LUC7L3: variants seen among roughly 807,000 people sequenced by gnomAD.
The protein encoded by LUC7L3 is luc7-like protein 3.
LUC7L3 carries 6 observed loss-of-function variants against 66.8 expected under a neutral mutation model. The ratio of observed to expected loss-of-function variants is 0.09; its 90% confidence interval spans 0.05 to 0.18. LUC7L3 has a LOEUF of 0.18. Ranked by LOEUF, LUC7L3 falls within the 10% of genes least tolerant of loss-of-function variation. LUC7L3 has a pLI of 1.00. For synonymous variants in LUC7L3, 160 were observed against 174.7 expected, an observed-to-expected ratio of 0.92 and a Z score of 0.66; for missense variants, 341 against 531.1, an observed-to-expected ratio of 0.64 and a Z score of 3.52.
intron 1 of LUC7L3, among the ~76,000 whole-genome samples, chr17:50,731,038 A>G (rs1969574569): frequency 6.6e-6 from 1 of 152,242 alleles, no homozygotes; most frequent in Admixed American, 6.5e-5. Context: ...GTAGGTATTT[A>G]GAGAGTTTGC....
At chr17:50,742,389 T>G (rs998066551) in intron 5 of LUC7L3, among the ~76,000 whole-genome samples, 1 of 152,176 alleles carries the variant, frequency 6.6e-6, no homozygotes, top group African/African-American at 2.4e-5. Context: ...TTGACAGTCT[T>G]GCTTTGTCAC....
intron 1 of LUC7L3, chr17:50,722,002 A>C (rs1392856854): frequency 6.6e-6 from 1 of 151,938 alleles, no homozygotes; most frequent in East Asian, 1.9e-4. Flanking sequence ...AGTATTTAAC[A>C]GTCAAAATGC....
intron 1 of LUC7L3, among the ~76,000 whole-genome samples, chr17:50,728,011 G>C (rs1969312685): frequency 6.6e-6 from 1 of 151,564 alleles, no homozygotes; most frequent in African/African-American, 2.4e-5. Context: ...CCAGCTACTC[G>C]AGAGGCTGAG....
chr17:50,733,770 A>G (rs1969799079), intron 1 of LUC7L3, among the ~76,000 whole-genome samples: 1 of 152,222 alleles, frequency 6.6e-6, no homozygotes, highest in Non-Finnish European at 1.5e-5. Context: ...ATAACCATAC[A>G]GTTTATGGCT....
Position 50,746,532 on chromosome 17 carries a change from A to C in LUC7L3, c.978-10A>C. The C allele has an allele frequency of 1.2e-6, 2 of 1,606,362 alleles. No homozygotes were observed. The highest frequency in any genetic ancestry group is 1.7e-6 in the Non-Finnish European group (2 of 1,177,820). On this transcript the variant is annotated splice_polypyrimidine_tract_variant and intron_variant, in intron 8 of 9. Coordinates refer to ENST00000505658, the MANE Select transcript of LUC7L3 (RefSeq NM_016424.5). ...TGGCTGAAGTTGCCTTTTGGTTTTA[A>C]ATTATTAAGAAGTAGAGATCGACGA...
At chr17:50,742,452 A>G (rs565902344) in intron 5 of LUC7L3, among the ~76,000 whole-genome samples, 46 of 152,068 alleles carry the variant, frequency 3.0e-4, no homozygotes, top group Non-Finnish European at 2.4e-4. Context: ...TCTGCCTCCC[A>G]GGTTCAAATG....
intron 1 of LUC7L3, among the ~76,000 whole-genome samples, chr17:50,726,779 G>A (rs918808650): frequency 9.2e-5 from 14 of 152,000 alleles, no homozygotes; most frequent in African/African-American, 3.4e-4. Context: ...CACATCTCTA[G>A]CTTACTTTAT....
chr17:50,750,780 T>C lies in LUC7L3; in HGVS notation c.*119T>C. 3.8e-6 allele frequency: 6 copies of C among 1,581,214 alleles called. No individual in the cohort carries two copies. Among genetic ancestry groups the C allele is most frequent in the Non-Finnish European group, 5.1e-6 (6 of 1,165,176 alleles). ...AAGTATGCACAGATGAAGATGGAAC[T>C]AAGCCGAGTAAGAAGACATACAAAA... On this transcript the variant is annotated 3_prime_UTR_variant, in exon 10 of 10. Transcript: ENST00000505658.
intron 4 of LUC7L3, 152 bp downstream of exon 4, chr17:50,741,398 T>A: frequency 1.2e-6 from 1 of 813,122 alleles, no homozygotes; most frequent in Non-Finnish European, 1.9e-6. Context: ...TTCCAGTCTT[T>A]ATTAGCAAAC....
In LUC7L3 at chr17:50,751,065, T is replaced by A; in HGVS notation, c.*404T>A. On this transcript the variant is annotated 3_prime_UTR_variant, in exon 10 of 10. Transcript: ENST00000505658. ...TGGTATTAAGTCCATCTTGTGTTGG[T>A]ACATTGGCAGAGACATATGCTTTAA... 6.9e-7 allele frequency: 1 copy of A among 1,441,658 alleles called. No individual in the cohort carries two copies. The highest frequency in any genetic ancestry group is 9.0e-7 in the Non-Finnish European group (1 of 1,105,978). 89.3% of individuals were successfully genotyped at this position (1,441,658 alleles called of 1,614,324 possible). A position where few individuals can be genotyped will look rare whatever the true frequency, so the allele number is the denominator to read the frequency against.
Position 50,743,821 on chromosome 17 carries a change from C to T in LUC7L3, c.531+11C>T, listed in dbSNP as rs978249538. 1 of 1,566,808 alleles carries T rather than the reference C, an allele frequency of 6.4e-7. No individual in the cohort carries two copies. The highest frequency in any genetic ancestry group is 1.1e-5 in the South Asian group (1 of 88,772). The stretch of plus-strand genomic sequence containing the variant: ...AGGTCCACAACGTCGGTGAGTAAAC[C>T]TTATTTCACATTATCTCATCTGTCT... On this transcript the variant is annotated intron_variant, in intron 6 of 9. Coordinates refer to ENST00000505658, the MANE Select transcript of LUC7L3 (RefSeq NM_016424.5).
Position 50,754,086 on chromosome 17 carries a change from A to G in LUC7L3, c.*3425A>G, listed in dbSNP as rs1420435759. ...AAGAATCCAGTATTGAGACCAGTTC[A>G]CTAGAAGAAACAAACATTTCTGCCA... On this transcript the variant is annotated 3_prime_UTR_variant, in exon 10 of 10. Transcript: ENST00000505658. 1 of 152,228 alleles carries G rather than the reference A, an allele frequency of 6.6e-6. No individual in the cohort carries two copies. Among genetic ancestry groups the G allele is most frequent in the African/African-American group, 2.4e-5 (1 of 41,462 alleles). The allele number at this position is 152,228 out of a possible 1,614,324, so 9.4% of individuals were successfully genotyped here. A position where few individuals can be genotyped will look rare whatever the true frequency, so the allele number is the denominator to read the frequency against.
intron 1 of LUC7L3, among the ~76,000 whole-genome samples, chr17:50,726,612 A>G (rs1005808010): frequency 5.3e-5 from 8 of 152,212 alleles, no homozygotes; most frequent in African/African-American, 2.4e-5. Context: ...ATAGACTGAG[A>G]TCTGCACCTG....
rs1231748282 is a variant in LUC7L3, at chr17:50,754,498, CTT to C, written c.*3840_*3841del. The C allele has an allele frequency of 2.0e-5, 3 of 152,126 alleles. No homozygotes were observed. Among genetic ancestry groups the C allele is most frequent in the African/African-American group, 4.8e-5 (2 of 41,420 alleles). The allele number at this position is 152,126 out of a possible 1,614,324, so 9.4% of individuals were successfully genotyped here. A position where few individuals can be genotyped will look rare whatever the true frequency, so the allele number is the denominator to read the frequency against. On this transcript the variant is annotated 3_prime_UTR_variant, in exon 10 of 10. Coordinates refer to ENST00000505658, the MANE Select transcript of LUC7L3 (RefSeq NM_016424.5). ...ATTAGTATAAAACAAATTGGGTAAA[CTT>C]TTGTTGGTCATCAAACTATATTAGC...
At chr17:50,731,939 G>C (rs142962974) in intron 1 of LUC7L3, among the ~76,000 whole-genome samples, 46 of 152,276 alleles carry the variant, frequency 3.0e-4, no homozygotes, top group African/African-American at 1.1e-3. Flanking sequence ...CAAAGAAAGA[G>C]GCTGACAAAT....
chr17:50,733,559 G>A (rs1278202011), intron 1 of LUC7L3, among the ~76,000 whole-genome samples: 9 of 152,000 alleles, frequency 5.9e-5, no homozygotes, highest in South Asian at 2.1e-4. Context: ...CCGCTACCAC[G>A]CCTGGCTAAT....
At chr17:50,740,190 C>T (rs1223351225) in intron 2 of LUC7L3, 116 bp from the exon 3 acceptor site, 3 of 738,184 alleles carry the variant, frequency 4.1e-6, no homozygotes, top group Non-Finnish European at 6.8e-6. Flanking sequence ...CTACAAACTA[C>T]TCAGTGATAA....
Position 50,724,611 on chromosome 17 carries a change from TTGTGTGTGTGTGTGTG to T in LUC7L3, c.99+4800_99+4815del, listed in dbSNP as rs58361696. 1.2e-3 allele frequency among the ~76,000 whole-genome samples: 171 copies of T among 147,268 alleles called. No individual in the cohort carries two copies. In the East Asian group the frequency reaches 0.015, roughly 13 times the overall value. On this transcript the variant is annotated intron_variant, in intron 1 of 9. Coordinates refer to ENST00000505658, the MANE Select transcript of LUC7L3 (RefSeq NM_016424.5). ...TAAATCTTTGGTTGCTTTAGGAAAA[TTGTGTGTGTGTGTGTG>T]TGTGTGTGTGTGTGTGTGTCATTAT...
intron 5 of LUC7L3, 89 bp from the exon 6 acceptor site, chr17:50,743,617 G>A: frequency 1.3e-6 from 1 of 788,298 alleles, no homozygotes. Flanking sequence ...AAAAAAGATG[G>A]AAAACAACCA....
Sources: allele counts gnomAD v4.1 joint callset (sites outside exome capture counted in the v4.1 genomes callset), GRCh38; gene constraint gnomAD v4.1.1; transcripts MANE v1.5; gene names NCBI Gene and HGNC (gene_info 2026-07-23, HGNC 2026-07-21).